COL4A4: variants seen among roughly 807,000 people sequenced by gnomAD.
COL4A4 encodes the protein collagen type IV alpha 4 chain.
In COL4A4, 105 loss-of-function variants were observed where a neutral mutation model predicts 192.9. The ratio of observed to expected loss-of-function variants is 0.54; its 90% confidence interval spans 0.46 to 0.64. The LOEUF (loss-of-function observed/expected upper bound fraction) is 0.64. COL4A4 is among the 30% of genes least tolerant of loss of function. The pLI, the probability that COL4A4 is intolerant of heterozygous loss-of-function variation, is 0.00. For missense variants in COL4A4, 1,967 were observed against 2,169.3 expected, an observed-to-expected ratio of 0.91 and a Z score of 1.85; for synonymous variants, 762 against 769.9, an observed-to-expected ratio of 0.99 and a Z score of 0.17.
At chr2:226,990,175 C>A in the COL4A4 span, among the ~76,000 whole-genome samples, 1 of 152,150 alleles carries the variant, frequency 6.6e-6, no homozygotes, top group Non-Finnish European at 1.5e-5. Flanking sequence ...TCATGTCTTG[C>A]TAAATTGTTA....
intron 37 of COL4A4, among the ~76,000 whole-genome samples, chr2:227,041,848 G>GAAAGAAAGAGAGAGAA (rs1243663359): frequency 2.6e-5 from 1 of 38,692 alleles, no homozygotes; most frequent in South Asian, 9.4e-4. Flanking sequence ...AAGAAAGAAA[G>GAAAGAAAGAGAGAGAA]AGAAAGAAAG....
At position 227,007,318 on chromosome 2, in the gene COL4A4, G is replaced by C; in HGVS notation, c.*7C>G. The C allele has an allele frequency of 1.2e-6, 2 of 1,614,218 alleles. No individual in the cohort carries two copies. The highest frequency in any genetic ancestry group is 1.7e-6 in the Non-Finnish European group (2 of 1,180,042). On this transcript the variant is annotated 3_prime_UTR_variant, in exon 48 of 48. Coordinates refer to ENST00000396625, the MANE Select transcript of COL4A4 (RefSeq NM_000092.5). ...TCTTGGCCACGTGTTGGTGAATTTC[G>C]CATTCTCTAGCTATACTTCACGCAG...
chr2:227,032,398 C>G (rs1321100129), intron 38 of COL4A4, 122 bp from the exon 39 acceptor site: 5 of 1,107,154 alleles, frequency 4.5e-6, no homozygotes, highest in African/African-American at 1.6e-5. Context: ...ACACCAACAA[C>G]TGGTTGCAGT....
At chr2:226,987,700 G>A in the COL4A4 span, among the ~76,000 whole-genome samples, 4 of 152,334 alleles carry the variant, frequency 2.6e-5, no homozygotes, top group South Asian at 4.1e-4. Context: ...GTGCCAGATC[G>A]TGGTGGACCC....
At chr2:227,138,831 T>TGAGAGAAA (rs2063001970) in intron 4 of COL4A4, among the ~76,000 whole-genome samples, 1 of 152,164 alleles carries the variant, frequency 6.6e-6, no homozygotes, top group Admixed American at 6.5e-5. Context: ...AGCAATACCA[T>TGAGAGAAA]GAGAGAAATA....
intron 43 of COL4A4, among the ~76,000 whole-genome samples, chr2:227,022,682 G>A (rs1559431866): frequency 6.6e-6 from 1 of 152,206 alleles, no homozygotes; most frequent in Non-Finnish European, 1.5e-5. Context: ...CTCAGAAGCA[G>A]TGACTTTCAA....
rs1332928435 is a variant in COL4A4, at chr2:227,006,470, C to G, written c.*855G>C. The G allele has an allele frequency of 6.6e-6, 1 of 152,568 alleles. No individual in the cohort carries two copies. The highest frequency in any genetic ancestry group is 1.5e-5 in the Non-Finnish European group (1 of 68,050). 9.5% of individuals were successfully genotyped at this position (152,568 alleles called of 1,614,324 possible). ...GAAAAGCAGTCTGTCTGGAAGTTCA[C>G]TGCAATGGGGAGTCAATTTTTGTGA... is the stretch of plus-strand genomic sequence containing the variant. On this transcript the variant is annotated 3_prime_UTR_variant, in exon 48 of 48. Transcript: ENST00000396625.
At position 227,052,350 on chromosome 2, in the gene COL4A4, C is replaced by T. The variant is rs1169633213; in HGVS notation, c.2923G>A (p.Gly975Arg). 6.2e-7 allele frequency: 1 copy of T among 1,613,544 alleles called. No homozygotes were observed. Among genetic ancestry groups the T allele is most frequent in the Non-Finnish European group, 8.5e-7 (1 of 1,179,474 alleles). Residue 975 changes from glycine to arginine, a missense_variant, in exon 32 of 48, where the codon GGG (glycine) becomes AGG (arginine). Transcript: ENST00000396625. ...MAIISQKGTP[G>R]EPGPPGDDGF... Reference sequence around the variant, plus strand: ...TCATCTCCAGGAGGTCCAGGTTCCCCAGGTGTTCCCTTTTGTGAAATGATA... The same window carrying T: ...TCATCTCCAGGAGGTCCAGGTTCCCTAGGTGTTCCCTTTTGTGAAATGATA...
At chr2:227,126,621 GT>G (rs933733214) in intron 4 of COL4A4, among the ~76,000 whole-genome samples, 1 of 152,070 alleles carries the variant, frequency 6.6e-6, no homozygotes, top group East Asian at 1.9e-4. Context: ...ATTTAGTGCG[GT>G]TTTTTTGTAT....
In COL4A4 at chr2:227,136,362, G is replaced by C. The variant is rs528340927; in HGVS notation, c.192+3799C>G. 1.8e-4 allele frequency among the ~76,000 whole-genome samples: 28 copies of C among 152,344 alleles called. 1 individual carries two copies. In the South Asian group the frequency reaches 5.0e-3, roughly 27 times the overall value. ...TCCTTTGAGAAGAACAGGAAAGACA[G>C]AGGCAGAGTGCAAGTTGGAAGGCAC... On this transcript the variant is annotated intron_variant, in intron 4 of 47. Transcript: ENST00000396625.
At chr2:227,056,171 C>G in intron 29 of COL4A4, 56 bp from the exon 30 acceptor site, 1 of 1,498,138 alleles carries the variant, frequency 6.7e-7, no homozygotes, top group Non-Finnish European at 9.3e-7. Context: ...GCTTCACACA[C>G]AGCAGGAAAA....
intron 1 of COL4A4, among the ~76,000 whole-genome samples, chr2:227,158,266 C>T (rs912737990): frequency 2.6e-5 from 4 of 152,012 alleles, no homozygotes; most frequent in African/African-American, 9.7e-5. Context: ...ACAACTGGTG[C>T]CACAACAAGT....
chr2:226,977,337 T>G, the COL4A4 span, among the ~76,000 whole-genome samples: 35 of 152,206 alleles, frequency 2.3e-4, no homozygotes, highest in Non-Finnish European at 4.0e-4. Context: ...TTGCTTTGCT[T>G]TTCAGCCTTG....
rs952986333 is a variant in COL4A4, at chr2:227,031,882, C to A, written c.3817+63G>T. On this transcript the variant is annotated intron_variant, in intron 40 of 47. Coordinates refer to ENST00000396625, the MANE Select transcript of COL4A4 (RefSeq NM_000092.5). ...TCTGCCACTCTCTGGTCCCACATTCCTCCAGAGCTGGCAGCATCTAACAAA... is the reference window on the plus strand; with the variant it reads ...TCTGCCACTCTCTGGTCCCACATTCATCCAGAGCTGGCAGCATCTAACAAA... 5.8e-6 allele frequency: 7 copies of A among 1,209,618 alleles called. No homozygotes were observed. In the African/African-American group the frequency reaches 9.0e-5, roughly 15 times the overall value. 74.9% of individuals were successfully genotyped at this position (1,209,618 alleles called of 1,614,324 possible). A position where few individuals can be genotyped will look rare whatever the true frequency, so the allele number is the denominator to read the frequency against.
At chr2:226,987,990 G>A in the COL4A4 span, among the ~76,000 whole-genome samples, 37 of 152,178 alleles carry the variant, frequency 2.4e-4, no homozygotes, top group African/African-American at 8.4e-4. Context: ...CTGTGCATAG[G>A]GCCAGGGCTG....
chr2:226,994,857 A>G, the COL4A4 span, among the ~76,000 whole-genome samples: 1 of 152,202 alleles, frequency 6.6e-6, no homozygotes, highest in Non-Finnish European at 1.5e-5. Context: ...AGTCCTTCAT[A>G]TGATCTTGAA....
At chr2:226,990,217 T>C in the COL4A4 span, among the ~76,000 whole-genome samples, 2 of 152,184 alleles carry the variant, frequency 1.3e-5, no homozygotes, top group Non-Finnish European at 2.9e-5. Flanking sequence ...TTTTTGGTCT[T>C]TGACGGTAAA....
At chr2:226,970,431 T>C in the COL4A4 span, among the ~76,000 whole-genome samples, 1 of 152,096 alleles carries the variant, frequency 6.6e-6, no homozygotes, top group South Asian at 2.1e-4. Flanking sequence ...ATGATATGAG[T>C]CTCATGATAT....
At position 227,007,112 on chromosome 2, in the gene COL4A4, C is replaced by T. The variant is rs1378215176; in HGVS notation, c.*213G>A. ...CCTCAGTAAAATAAGAGTATCTAGGCTCCCTAGATTGGGAGGTCCAAACAA... is the reference window on the plus strand; with the variant it reads ...CCTCAGTAAAATAAGAGTATCTAGGTTCCCTAGATTGGGAGGTCCAAACAA... On this transcript the variant is annotated 3_prime_UTR_variant, in exon 48 of 48. Coordinates refer to ENST00000396625, the MANE Select transcript of COL4A4 (RefSeq NM_000092.5). 1.5e-5 allele frequency: 10 copies of T among 674,558 alleles called. No individual in the cohort carries two copies. In the Admixed American group the frequency reaches 1.8e-4, roughly 12 times the overall value. 41.8% of individuals were successfully genotyped at this position (674,558 alleles called of 1,614,324 possible).
Sources: allele counts gnomAD v4.1 joint callset (sites outside exome capture counted in the v4.1 genomes callset), GRCh38; gene constraint gnomAD v4.1.1; transcripts MANE v1.5; gene names NCBI Gene and HGNC (gene_info 2026-07-23, HGNC 2026-07-21).